The following MBLAC2 variants were observed in gnomAD, a reference collection of about 807,000 sequenced individuals.
The protein encoded by MBLAC2 is metallo-beta-lactamase domain containing 2, also known as acyl-coenzyme A thioesterase MBLAC2.
MBLAC2 carries 24 observed loss-of-function variants against 23.3 expected under a neutral mutation model. That is an observed-to-expected ratio of 1.03 (90% CI 0.75 to 1.45). The LOEUF is 1.45. MBLAC2 is among the 40% of genes most tolerant of loss of function. The pLI is 0.00. For missense variants in MBLAC2, 358 were observed against 370.0 expected (o/e 0.97, Z 0.27); for synonymous variants, 162 against 150.9 (o/e 1.07, Z -0.54).
At chr5:90,462,870 C>T (rs1750387804) in intron 1 of MBLAC2, among the ~76,000 whole-genome samples, 1 of 152,150 alleles carries the variant, frequency 6.6e-6, no homozygotes, top group Admixed American at 6.5e-5. Context: ...TATCAACCAA[C>T]TTGACCTGAC....
Position 90,461,460 on chromosome 5 carries a change from T to C in MBLAC2, c.547A>G (p.Lys183Glu). The C allele has an allele frequency of 6.2e-7, 1 of 1,614,136 alleles. No homozygotes were observed. The highest frequency in any genetic ancestry group is 8.5e-7 in the Non-Finnish European group (1 of 1,179,996). The part of the protein sequence containing the change: ...GSICLHDKDR[K>E]ILFSGDVVYD... ...ACGACGTCTCCACTGAAGAGAATCT[T>C]TCGGTCTTTGTCATGTAAGCAAATA... is the stretch of plus-strand genomic sequence containing the variant. The change falls in exon 2 of 2, where the codon AAG becomes GAG. Residue 183 changes from lysine (K) to glutamate (E), a missense_variant. Coordinates refer to ENST00000316610, the MANE Select transcript of MBLAC2 (RefSeq NM_203406.2).
chr5:90,466,897 G>C (rs1285195457), intron 1 of MBLAC2, among the ~76,000 whole-genome samples: 1 of 152,178 alleles, frequency 6.6e-6, no homozygotes, highest in Non-Finnish European at 1.5e-5. Flanking sequence ...CAGCAATTTG[G>C]AAGGCTGAAG....
intron 1 of MBLAC2, among the ~76,000 whole-genome samples, chr5:90,467,451 CT>C (rs1033443867): frequency 3.3e-5 from 5 of 152,162 alleles, no homozygotes; most frequent in African/African-American, 1.2e-4. Flanking sequence ...TTTTTGTCTT[CT>C]TTAACTGCTG....
At chr5:90,469,639 G>A (rs1217510025) in intron 1 of MBLAC2, among the ~76,000 whole-genome samples, 4 of 152,052 alleles carry the variant, frequency 2.6e-5, no homozygotes, top group Non-Finnish European at 4.4e-5. Flanking sequence ...TCATGTTAGA[G>A]AATTTTCTGT....
intron 1 of MBLAC2, chr5:90,471,974 C>T (rs1414027114): frequency 6.6e-6 from 1 of 152,212 alleles, no homozygotes; most frequent in African/African-American, 2.4e-5. Flanking sequence ...TAAAGCACCA[C>T]ACAAGTAGTT....
At chr5:90,469,546 T>C (rs1750509447) in intron 1 of MBLAC2, among the ~76,000 whole-genome samples, 1 of 152,082 alleles carries the variant, frequency 6.6e-6, no homozygotes, top group Non-Finnish European at 1.5e-5. Context: ...TTGAATGCAA[T>C]AGCTTGTCTT....
chr5:90,468,576 C>T (rs1427821170), intron 1 of MBLAC2, among the ~76,000 whole-genome samples: 1 of 152,060 alleles, frequency 6.6e-6, no homozygotes, highest in Non-Finnish European at 1.5e-5. Context: ...CTATCTATTT[C>T]ACTGAAGAAT....
intron 1 of MBLAC2, among the ~76,000 whole-genome samples, chr5:90,468,993 T>C (rs1039089052): frequency 1.3e-5 from 2 of 152,054 alleles, no homozygotes; most frequent in African/African-American, 4.8e-5. Context: ...AGAGCATAAA[T>C]AGGCAATCTA....
intron 1 of MBLAC2, chr5:90,472,689 T>C (rs898047977): frequency 6.6e-6 from 1 of 152,228 alleles, no homozygotes; most frequent in Non-Finnish European, 1.5e-5. Context: ...GAGGCACGTT[T>C]TAATATACCA....
rs1424133158 is a variant in MBLAC2 at position 90,474,253 on chromosome 5, C to A, written c.40G>T (p.Asp14Tyr). The A allele has an allele frequency of 6.2e-7, 1 of 1,613,498 alleles. No homozygotes were observed. Among genetic ancestry groups the A allele is most frequent in the Non-Finnish European group, 8.5e-7 (1 of 1,179,862 alleles). Residue 14 changes from aspartate to tyrosine, a missense_variant, in exon 1 of 2, where the codon GAT becomes TAT. By Grantham distance (160) the Asp-to-Tyr change is radical. Transcript: ENST00000316610. Reference sequence around the variant, plus strand: ...CGTTCTTGAATCCAGAAGATACCATCGCCTAGAGACTTGTGGGCGTACCAC... The same window carrying A: ...CGTTCTTGAATCCAGAAGATACCATAGCCTAGAGACTTGTGGGCGTACCAC... ...LEWYAHKSLG[D>Y]GIFWIQERFY...
chr5:90,459,057 T>A lies in MBLAC2; in HGVS notation c.*2110A>T, dbSNP rs1413202446. ...TTTTAAAAAAAGGCCTAAAATATGA[T>A]AAAAATGGTCAGTGGTTAAGGACTT... On this transcript the variant is annotated 3_prime_UTR_variant, in exon 2 of 2. Transcript: ENST00000316610. 6.6e-6 allele frequency: 1 copy of A among 152,536 alleles called. No homozygotes were observed. The highest frequency in any genetic ancestry group is 2.4e-5 in the African/African-American group (1 of 41,444). The allele number at this position is 152,536 out of a possible 1,614,324, so 9.4% of individuals were successfully genotyped here. A position where few individuals can be genotyped will look rare whatever the true frequency, so the allele number is the denominator to read the frequency against.
Position 90,474,253 on chromosome 5 carries a change from C to T in MBLAC2, c.40G>A (p.Asp14Asn), listed in dbSNP as rs1424133158. The T allele has an allele frequency of 1.9e-6, 3 of 1,613,616 alleles. No individual in the cohort carries two copies. In the Admixed American group the frequency reaches 5.0e-5, roughly 27 times the overall value. The change falls in exon 1 of 2, where the codon GAT becomes AAT. Residue 14 changes from aspartate to asparagine, a missense_variant. By Grantham distance (23) the Asp-to-Asn change is conservative. Transcript: ENST00000316610. ...CGTTCTTGAATCCAGAAGATACCATCGCCTAGAGACTTGTGGGCGTACCAC... is the reference window on the plus strand; with the variant it reads ...CGTTCTTGAATCCAGAAGATACCATTGCCTAGAGACTTGTGGGCGTACCAC... ...LEWYAHKSLG[D>N]GIFWIQERFY...
At position 90,474,417 on chromosome 5, in the gene MBLAC2, G is replaced by C. The variant is rs1209807222; in HGVS notation, c.-125C>G. On this transcript the variant is annotated 5_prime_UTR_variant, in exon 1 of 2. Transcript: ENST00000316610. ...TGCAGCCAGGGAGGAGGCGTAGAGC[G>C]AGGCGGGGGCGTGGGATGCGGGGGT... The C allele has an allele frequency of 2.3e-5, 20 of 856,198 alleles. No individual in the cohort carries two copies. Among genetic ancestry groups the C allele is most frequent in the Non-Finnish European group, 3.5e-5 (19 of 541,830 alleles). The allele number at this position is 856,198 out of a possible 1,614,324, so 53.0% of individuals were successfully genotyped here.
At chr5:90,468,034 C>G (rs564565940) in intron 1 of MBLAC2, among the ~76,000 whole-genome samples, 2 of 152,266 alleles carry the variant, frequency 1.3e-5, no homozygotes. Context: ...AAAAATAGGA[C>G]CCCAATCCCT....
At chr5:90,467,293 C>A (rs762571897) in intron 1 of MBLAC2, among the ~76,000 whole-genome samples, 14 of 152,054 alleles carry the variant, frequency 9.2e-5, no homozygotes, top group Non-Finnish European at 2.1e-4. Flanking sequence ...TTAAAGTCCC[C>A]CAGTATTATT....
At chr5:90,470,482 A>C (rs1392106533) in intron 1 of MBLAC2, among the ~76,000 whole-genome samples, 1 of 151,998 alleles carries the variant, frequency 6.6e-6, no homozygotes. Flanking sequence ...GGTATCAATT[A>C]AAAAAAAGAA....
At position 90,461,324 on chromosome 5, in the gene MBLAC2, A is replaced by G. The variant is rs776177626; in HGVS notation, c.683T>C (p.Leu228Pro). 1.2e-6 allele frequency: 2 copies of G among 1,614,078 alleles called. No homozygotes were observed. Among genetic ancestry groups the G allele is most frequent in the Non-Finnish European group, 1.7e-6 (2 of 1,180,026 alleles). ...ACCAAAGGTATTGAAGTGCCCAGGA[A>G]GCACCTTCTCTACCAGACCTCTGTC... ...LVDRGLVEKV[L>P]PGHFNTFGAE... The change falls in exon 2 of 2, where the codon CTT (leucine) becomes CCT (proline). Residue 228 changes from leucine (L) to proline (P), a missense_variant. Physicochemically the swap from Leu to Pro is moderately conservative, Grantham distance 98 (BLOSUM62 -3). Coordinates refer to ENST00000316610, the MANE Select transcript of MBLAC2 (RefSeq NM_203406.2).
rs1019891640 is a variant in MBLAC2, at chr5:90,474,039, T to G, written c.254A>C (p.His85Pro). ...RPLLAVATHV[H>P]FDHSGGLYQF... Reference sequence around the variant, plus strand: ...GTAGAGGCCGCCGGAGTGGTCGAAGTGCACGTGGGTGGCCACGGCAAGCAG... The same window carrying G: ...GTAGAGGCCGCCGGAGTGGTCGAAGGGCACGTGGGTGGCCACGGCAAGCAG... The change falls in exon 1 of 2, where the codon CAC (histidine) becomes CCC (proline). Residue 85 changes from histidine to proline, a missense_variant. His to Pro is a moderately conservative substitution (Grantham distance 77). Coordinates refer to ENST00000316610, the MANE Select transcript of MBLAC2 (RefSeq NM_203406.2). The G allele has an allele frequency of 3.8e-6, 6 of 1,590,820 alleles. No homozygotes were observed. Among genetic ancestry groups the G allele is most frequent in the Non-Finnish European group, 5.1e-6 (6 of 1,169,876 alleles).
chr5:90,474,609 TGCA>T lies in MBLAC2; in HGVS notation c.-320_-318del, dbSNP rs1348648563. ...GAGAGAGCTTTAACGCAGGGGCCAC[TGCA>T]GCAGAATGGAGACTCAGGTGGCGAC... On this transcript the variant is annotated 5_prime_UTR_variant, in exon 1 of 2. Coordinates refer to ENST00000316610, the MANE Select transcript of MBLAC2 (RefSeq NM_203406.2). 1.1e-5 allele frequency: 4 copies of T among 376,828 alleles called. No individual in the cohort carries two copies. Among genetic ancestry groups the T allele is most frequent in the Non-Finnish European group, 1.9e-5 (4 of 205,670 alleles). 23.3% of individuals were successfully genotyped at this position (376,828 alleles called of 1,614,324 possible). A position where few individuals can be genotyped will look rare whatever the true frequency, so the allele number is the denominator to read the frequency against.
Sources: gnomAD v4.1 joint callset for allele counts (sites outside exome capture counted in the v4.1 genomes callset) on GRCh38, gnomAD v4.1.1 for gene constraint, MANE v1.5 for transcripts, NCBI Gene and HGNC (gene_info 2026-07-23, HGNC 2026-07-21) for gene names.